The following COPG2 variants were observed in gnomAD, a reference collection of about 807,000 sequenced individuals.
COPG2 encodes the protein coat protein complex I subunit gamma 2.
COPG2 carries 37 observed loss-of-function variants against 46.3 expected under a neutral mutation model. The observed-to-expected ratio is 0.80, with a 90% confidence interval of 0.61 to 1.05. The LOEUF (loss-of-function observed/expected upper bound fraction) is 1.05. COPG2 is among the 50% of genes least tolerant of loss of function. The pLI, the probability that COPG2 is intolerant of heterozygous loss-of-function variation, is 0.00. For synonymous variants in COPG2, 159 were observed against 129.7 expected, an observed-to-expected ratio of 1.23 and a Z score of -1.53; for missense variants, 427 against 387.8, an observed-to-expected ratio of 1.10 and a Z score of -0.85.
intron 9 of COPG2, among the ~76,000 whole-genome samples, chr7:130,603,383 T>A (rs566745710): frequency 6.6e-6 from 1 of 152,220 alleles, no homozygotes; most frequent in South Asian, 2.1e-4. Flanking sequence ...TATACCACAA[T>A]TTATTTTTTG....
At chr7:130,589,167 G>A (rs1260430074) in intron 9 of COPG2, among the ~76,000 whole-genome samples, 2 of 151,936 alleles carry the variant, frequency 1.3e-5, no homozygotes, top group African/African-American at 4.8e-5. Context: ...GATATTACAA[G>A]TAATACTGGA....
At chr7:130,593,968 CAA>C (rs540746413) in intron 9 of COPG2, among the ~76,000 whole-genome samples, 39 of 152,072 alleles carry the variant, frequency 2.6e-4, no homozygotes, top group Non-Finnish European at 4.3e-4. Context: ...CTCTGTTCAT[CAA>C]AAGACACCAA....
chr7:130,583,255 C>A (rs1291606497), intron 9 of COPG2, among the ~76,000 whole-genome samples: 1 of 150,364 alleles, frequency 6.7e-6, no homozygotes, highest in Non-Finnish European at 1.5e-5. Flanking sequence ...GAACAAAAAA[C>A]CAAACACCGC....
At chr7:130,542,202 G>A (rs1438001540) in intron 20 of COPG2, among the ~76,000 whole-genome samples, 1 of 146,402 alleles carries the variant, frequency 6.8e-6, no homozygotes, top group African/African-American at 2.7e-5. Context: ...TGCCCCAAAG[G>A]GGTGAAGTGT....
chr7:130,601,128 C>T (rs968679079), intron 9 of COPG2, among the ~76,000 whole-genome samples: 6 of 152,148 alleles, frequency 3.9e-5, no homozygotes, highest in East Asian at 1.9e-4. Context: ...TACCATCTCA[C>T]GGCACTCAGA....
chr7:130,559,471 C>T (rs1474462356), intron 12 of COPG2, among the ~76,000 whole-genome samples: 2 of 152,150 alleles, frequency 1.3e-5, no homozygotes, highest in East Asian at 3.9e-4. Flanking sequence ...GTAAGCTGGG[C>T]CTAAAAATAG....
At chr7:130,646,576 C>CA (rs1448820887) in intron 5 of COPG2, among the ~76,000 whole-genome samples, 1 of 151,940 alleles carries the variant, frequency 6.6e-6, no homozygotes, top group African/African-American at 2.4e-5. Context: ...TATTTTAGTG[C>CA]AAAAAAATTT....
chr7:130,558,136 AT>A (rs1235114437), intron 12 of COPG2, among the ~76,000 whole-genome samples: 6 of 151,306 alleles, frequency 4.0e-5, no homozygotes, highest in Non-Finnish European at 4.4e-5. Flanking sequence ...AATTAAAATA[AT>A]TTTTTTTTAG....
Position 130,539,502 on chromosome 7 carries a change from A to G in COPG2, c.2149+8172T>C, listed in dbSNP as rs1283279066. 3.9e-5 allele frequency among the ~76,000 whole-genome samples: 6 copies of G among 152,182 alleles called. 1 individual carries two copies. In the East Asian group the frequency reaches 7.7e-4, roughly 20 times the overall value. ...AGGATGGAAAAGTTTGAGCGGTGAA[A>G]GCAGGTCAAAGTAGTGAGCACATCC... On this transcript the variant is annotated intron_variant, in intron 20 of 23. Coordinates refer to ENST00000425248, the MANE Select transcript of COPG2 (RefSeq NM_012133.6).
intron 9 of COPG2, among the ~76,000 whole-genome samples, chr7:130,588,746 T>C (rs1353018035): frequency 6.6e-6 from 1 of 152,058 alleles, no homozygotes; most frequent in African/African-American, 2.4e-5. Context: ...TGTATACATA[T>C]GTAACAAACC....
At chr7:130,592,001 C>T (rs570853045) in intron 9 of COPG2, among the ~76,000 whole-genome samples, 29 of 152,276 alleles carry the variant, frequency 1.9e-4, no homozygotes, top group Non-Finnish European at 3.5e-4. Context: ...GGATGGTTGC[C>T]GTGTCTGTGT....
chr7:130,661,596 C>T (rs1307790295), intron 4 of COPG2, among the ~76,000 whole-genome samples: 1 of 152,114 alleles, frequency 6.6e-6, no homozygotes, highest in East Asian at 1.9e-4. Flanking sequence ...TATTAATGAC[C>T]AGTTTCCAAT....
Position 130,617,025 on chromosome 7 carries a change from C to T in COPG2, c.364G>A (p.Gly122Ser). 6.2e-7 allele frequency: 1 copy of T among 1,611,510 alleles called. No homozygotes were observed. The highest frequency in any genetic ancestry group is 1.3e-5 in the African/African-American group (1 of 74,920). The change falls in exon 6 of 24, where the codon GGC becomes AGC. Residue 122 changes from glycine (G) to serine (S), a missense_variant. Coordinates refer to ENST00000425248, the MANE Select transcript of COPG2 (RefSeq NM_012133.6). ...DMTGKEDVYR[G>S]PAIRALCRIT... ...CTGCAGAGAGCTCTGATGGCCGGGC[C>T]TCGGTATACATCTTCTTTTCCAGTC...
chr7:130,611,106 T>A lies in COPG2; in HGVS notation c.584A>T (p.His195Leu). The change falls in exon 9 of 24, where the codon CAT becomes CTT. Residue 195 changes from histidine (H) to leucine (L), a missense_variant. Coordinates refer to ENST00000425248, the MANE Select transcript of COPG2 (RefSeq NM_012133.6). The stretch of plus-strand genomic sequence containing the variant: ...AAGGTGATACAGGACTCCCAATGCA[T>A]GGTACTAAAGAACATGAAAAAGAAG... ...ASSDNIMVQY[H>L]ALGVLYHLRK... The A allele has an allele frequency of 6.2e-7, 1 of 1,613,166 alleles. No individual in the cohort carries two copies. The highest frequency in any genetic ancestry group is 2.2e-5 in the East Asian group (1 of 44,856).
chr7:130,663,183 C>T, intron 3 of COPG2, 145 bp from the exon 4 acceptor site: 1 of 533,972 alleles, frequency 1.9e-6, no homozygotes, highest in Non-Finnish European at 3.3e-6. Flanking sequence ...TCTGCCTCTG[C>T]AATTTTTCTG....
At chr7:130,563,741 G>A (rs1157804628) in intron 10 of COPG2, among the ~76,000 whole-genome samples, 24 of 113,220 alleles carry the variant, frequency 2.1e-4, no homozygotes, top group Non-Finnish European at 3.0e-4. Flanking sequence ...CAGTGACAGA[G>A]TGAGACTCCG....
intron 9 of COPG2, among the ~76,000 whole-genome samples, chr7:130,592,395 CAAAA>C (rs1187335882): frequency 1.3e-5 from 1 of 74,970 alleles, no homozygotes. Flanking sequence ...CAAGAATGAT[CAAAA>C]AAAAAAAAAA....
intron 5 of COPG2, among the ~76,000 whole-genome samples, chr7:130,652,291 T>C (rs1795762707): frequency 6.6e-6 from 1 of 152,200 alleles, no homozygotes; most frequent in Non-Finnish European, 1.5e-5. Context: ...TGTTGCTAAA[T>C]TACTTTCTAG....
chr7:130,540,103 A>G (rs1309977021), intron 20 of COPG2, among the ~76,000 whole-genome samples: 1 of 151,908 alleles, frequency 6.6e-6, no homozygotes. Flanking sequence ...AAAGGAGGGA[A>G]GGATTGGGAG....
Sources: gnomAD v4.1 joint callset for allele counts (sites outside exome capture counted in the v4.1 genomes callset) on GRCh38, gnomAD v4.1.1 for gene constraint, MANE v1.5 for transcripts, NCBI Gene and HGNC (gene_info 2026-07-23, HGNC 2026-07-21) for gene names.